TMEM163: variants seen among roughly 807,000 people sequenced by gnomAD.
The protein encoded by TMEM163 is transmembrane protein 163.
TMEM163 carries 17 observed loss-of-function variants against 29.3 expected under a neutral mutation model. The observed-to-expected ratio is 0.58, with a 90% CI of 0.40 to 0.87. TMEM163 has a LOEUF of 0.87. Among genes scored for constraint, TMEM163 ranks in the 40% least tolerant of loss-of-function variants. The pLI is 0.00. For missense variants in TMEM163, 303 were observed against 381.5 expected (o/e 0.79, Z 1.71); for synonymous variants, 157 against 160.6 (o/e 0.98, Z 0.17).
At chr2:134,681,927 T>C (rs1219784309) in intron 2 of TMEM163, among the ~76,000 whole-genome samples, 3 of 152,176 alleles carry the variant, frequency 2.0e-5, no homozygotes, top group Non-Finnish European at 4.4e-5. Context: ...TCTAAAACAA[T>C]TGGCTTGGGG....
chr2:134,593,414 A>T (rs983445702), intron 2 of TMEM163, among the ~76,000 whole-genome samples: 1 of 89,204 alleles, frequency 1.1e-5, no homozygotes, highest in Non-Finnish European at 2.4e-5. Context: ...CAGGCCAAAG[A>T]GACAGTCAGT....
chr2:134,538,632 AT>A (rs1680594801), intron 4 of TMEM163, among the ~76,000 whole-genome samples: 1 of 31,580 alleles, frequency 3.2e-5, no homozygotes, highest in Non-Finnish European at 7.0e-5. Flanking sequence ...CACAATAGAA[AT>A]GGAGTACTGC....
intron 2 of TMEM163, among the ~76,000 whole-genome samples, chr2:134,557,622 T>C (rs1681075658): frequency 6.6e-6 from 1 of 152,202 alleles, no homozygotes; most frequent in African/African-American, 2.4e-5. Context: ...TTTTTTAAAG[T>C]CTTTGATTAG....
intron 2 of TMEM163, among the ~76,000 whole-genome samples, chr2:134,633,353 G>A (rs972193686): frequency 2.0e-5 from 3 of 152,176 alleles, no homozygotes; most frequent in African/African-American, 7.2e-5. Flanking sequence ...AGGTGAGGGA[G>A]GAGGATAGGA....
chr2:134,662,775 T>C (rs541497637), intron 2 of TMEM163, among the ~76,000 whole-genome samples: 9 of 152,258 alleles, frequency 5.9e-5, no homozygotes, highest in African/African-American at 2.2e-4. Flanking sequence ...AGCCAGGAGC[T>C]TTCCAGCATG....
intron 5 of TMEM163, among the ~76,000 whole-genome samples, chr2:134,480,284 C>G (rs1163148209): frequency 6.6e-6 from 1 of 152,144 alleles, no homozygotes; most frequent in Non-Finnish European, 1.5e-5. Flanking sequence ...AGGGCCTTTG[C>G]ACATGCCACT....
chr2:134,481,271 C>T (rs1472781745), intron 5 of TMEM163, among the ~76,000 whole-genome samples: 1 of 151,990 alleles, frequency 6.6e-6, no homozygotes, highest in African/African-American at 2.4e-5. Context: ...CCATCGACAC[C>T]AGGTGATATG....
At position 134,611,369 on chromosome 2, in the gene TMEM163, G is replaced by A. The variant is rs551123124; in HGVS notation, c.323-59278C>T. On this transcript the variant is annotated intron_variant, in intron 2 of 7. Transcript: ENST00000281924. The stretch of plus-strand genomic sequence containing the variant: ...TAAGGGAATCACAGGATAGAAGGAA[G>A]AGACAAATATCTAAACAAACAAACA... Among the ~76,000 whole-genome samples, 85 of 152,244 alleles carry A rather than the reference G, an allele frequency of 5.6e-4. 1 individual carries two copies. The highest frequency in any genetic ancestry group is 1.7e-3 in the South Asian group (8 of 4,822).
At chr2:134,490,051 G>A (rs758825298) in intron 5 of TMEM163, among the ~76,000 whole-genome samples, 8 of 152,204 alleles carry the variant, frequency 5.3e-5, no homozygotes, top group Non-Finnish European at 8.8e-5. Flanking sequence ...TCCTATATTA[G>A]GTGCTTTGCT....
intron 2 of TMEM163, among the ~76,000 whole-genome samples, chr2:134,689,112 T>G (rs967398278): frequency 9.2e-6 from 1 of 109,068 alleles, no homozygotes; most frequent in Admixed American, 1.0e-4. Context: ...TTTGTTTTGT[T>G]TTTTTTTTTT....
At chr2:134,514,884 G>GGA (rs1427658614) in intron 4 of TMEM163, among the ~76,000 whole-genome samples, 6 of 152,186 alleles carry the variant, frequency 3.9e-5, no homozygotes, top group Admixed American at 3.9e-4. Context: ...AGTGGTCCTA[G>GGA]GAGAGGAGCT....
Position 134,531,219 on chromosome 2 carries a change from G to A in TMEM163, c.458+19351C>T, listed in dbSNP as rs192863573. ...AAAGAGGCAGTGGACAGAGGCCGAC[G>A]AAGGCGAGGTGGTGTGTGGGTATGA... is the stretch of plus-strand genomic sequence containing the variant. On this transcript the variant is annotated intron_variant, in intron 4 of 7. Coordinates refer to ENST00000281924, the MANE Select transcript of TMEM163 (RefSeq NM_030923.5). Among the ~76,000 whole-genome samples, 5 of 152,310 alleles carry A rather than the reference G, an allele frequency of 3.3e-5. No homozygotes were observed. In the East Asian group the frequency reaches 7.7e-4, roughly 24 times the overall value.
At chr2:134,616,454 G>C in intron 2 of TMEM163, among the ~76,000 whole-genome samples, 1 of 152,220 alleles carries the variant, frequency 6.6e-6, no homozygotes, top group East Asian at 1.9e-4. Context: ...TTTTTAAAGG[G>C]AACCCATTTG....
At chr2:134,643,804 G>A (rs975914507) in intron 2 of TMEM163, among the ~76,000 whole-genome samples, 1 of 151,896 alleles carries the variant, frequency 6.6e-6, no homozygotes, top group African/African-American at 2.4e-5. Context: ...CATACAGATA[G>A]GAAAGGAAGA....
At chr2:134,648,435 G>T (rs561654862) in intron 2 of TMEM163, among the ~76,000 whole-genome samples, 16 of 152,006 alleles carry the variant, frequency 1.1e-4, no homozygotes, top group Non-Finnish European at 2.2e-4. Context: ...ACATTCGAGC[G>T]GGAAAACAGG....
chr2:134,615,037 TAACATA>T (rs1327141403), intron 2 of TMEM163, among the ~76,000 whole-genome samples: 7 of 151,822 alleles, frequency 4.6e-5, no homozygotes, highest in Non-Finnish European at 1.0e-4. Flanking sequence ...AAAAAAACAT[TAACATA>T]GACACACACA....
At chr2:134,574,591 A>G (rs1373816848) in intron 2 of TMEM163, among the ~76,000 whole-genome samples, 1 of 152,172 alleles carries the variant, frequency 6.6e-6, no homozygotes, top group Non-Finnish European at 1.5e-5. Context: ...AAAATCTAGG[A>G]AGATGTGTTC....
intron 6 of TMEM163, among the ~76,000 whole-genome samples, chr2:134,461,679 C>T (rs2106472512): frequency 6.6e-6 from 1 of 152,340 alleles, no homozygotes; most frequent in South Asian, 2.1e-4. Context: ...CCATCATCTC[C>T]ATCGGCCACA....
chr2:134,683,500 C>T (rs1446896757), intron 2 of TMEM163, among the ~76,000 whole-genome samples: 1 of 151,538 alleles, frequency 6.6e-6, no homozygotes, highest in South Asian at 2.1e-4. Context: ...ACCAGAACAA[C>T]TTTTCTGATC....
Sources: gnomAD v4.1 joint callset for allele counts (sites outside exome capture counted in the v4.1 genomes callset) on GRCh38, gnomAD v4.1.1 for gene constraint, MANE v1.5 for transcripts, NCBI Gene and HGNC (gene_info 2026-07-23, HGNC 2026-07-21) for gene names.